VNN1: variants seen among roughly 807,000 people sequenced by gnomAD.
VNN1 encodes pantetheinase.
VNN1 carries 29 observed loss-of-function variants against 41.9 expected under a neutral mutation model. The observed-to-expected ratio is 0.69, with a 90% confidence interval of 0.52 to 0.94. VNN1 has a LOEUF of 0.94. Ranked by LOEUF, VNN1 falls within the 40% of genes least tolerant of loss-of-function variation. The probability of loss-of-function intolerance (pLI) is 0.00; values close to 1 mark genes in which losing one functional copy is unlikely to be tolerated. For missense variants in VNN1, 637 were observed against 621.1 expected (o/e 1.03, Z -0.27); for synonymous variants, 233 against 224.4 (o/e 1.04, Z -0.34).
chr6:132,684,227 C>G, intron 6 of VNN1, 108 bp downstream of exon 6: 2 of 1,207,890 alleles, frequency 1.7e-6, no homozygotes, highest in Non-Finnish European at 2.3e-6. Flanking sequence ...TAATCTTAAC[C>G]TTTCTAAATG....
rs546769570 is a variant in VNN1, at chr6:132,683,272, G to A, written c.1410C>T (p.Val470=). The change falls in exon 7 of 7, where the codon GTC becomes GTT. Residue 470 remains valine, a synonymous_variant. Coordinates refer to ENST00000367928, the MANE Select transcript of VNN1 (RefSeq NM_004666.3). The part of the protein sequence containing the change: ...LFSLKPTSGP[V]LTVTLFGRLY... The stretch of plus-strand genomic sequence containing the variant: ...ACCTCCCAAACAGAGTTACTGTTAA[G>A]ACAGGTCCGGATGTTGGCTTCAGAC... The A allele has an allele frequency of 1.9e-6, 3 of 1,614,048 alleles. No homozygotes were observed. The South Asian group carries it at 3.3e-5, about 18-fold the overall frequency.
At chr6:132,704,786 A>G (rs927027985) in intron 2 of VNN1, among the ~76,000 whole-genome samples, 1 of 151,926 alleles carries the variant, frequency 6.6e-6, no homozygotes, top group Admixed American at 6.6e-5. Context: ...GATAAAATTG[A>G]CTTTTAGTGA....
At chr6:132,694,582 T>C (rs540850796) in intron 2 of VNN1, among the ~76,000 whole-genome samples, 1 of 152,034 alleles carries the variant, frequency 6.6e-6, no homozygotes, top group African/African-American at 2.4e-5. Flanking sequence ...GGGGTGGGTG[T>C]GGTTGCTCAT....
intron 2 of VNN1, chr6:132,699,092 G>C: frequency 3.5e-6 from 1 of 285,774 alleles, no homozygotes; most frequent in Non-Finnish European, 7.3e-6. Context: ...CTATTCGGCT[G>C]TAAAATCAAT....
chr6:132,707,226 C>A (rs371130690), intron 2 of VNN1, among the ~76,000 whole-genome samples: 291 of 137,440 alleles, frequency 2.1e-3, no homozygotes, highest in African/African-American at 2.4e-3. Flanking sequence ...GGCTCTGTCT[C>A]AAAAAAAAAA....
At chr6:132,693,969 T>C in intron 3 of VNN1, 21 bp downstream of exon 3, 3 of 1,613,456 alleles carry the variant, frequency 1.9e-6, no homozygotes, top group Non-Finnish European at 2.5e-6. Flanking sequence ...ACTAATTGGA[T>C]TATTTGCAAA....
chr6:132,704,278 G>A (rs2058631756), intron 2 of VNN1, among the ~76,000 whole-genome samples: 1 of 151,894 alleles, frequency 6.6e-6, no homozygotes, highest in African/African-American at 2.4e-5. Context: ...CCCAGCACAT[G>A]GATCATTCTC....
intron 5 of VNN1, among the ~76,000 whole-genome samples, chr6:132,686,894 G>GA (rs1469890113): frequency 1.6e-4 from 24 of 151,888 alleles, no homozygotes; most frequent in Admixed American, 1.6e-3. Context: ...CCGAAGACAA[G>GA]AAAAAAGAGT....
chr6:132,693,923 T>C (rs895282039), intron 3 of VNN1, 67 bp downstream of exon 3: 2 of 1,556,126 alleles, frequency 1.3e-6, no homozygotes, highest in Admixed American at 3.4e-5. Context: ...CAATAACATA[T>C]TTTTCTCCTT....
intron 2 of VNN1, among the ~76,000 whole-genome samples, chr6:132,694,854 A>T (rs1431233253): frequency 6.6e-6 from 1 of 151,730 alleles, no homozygotes; most frequent in Non-Finnish European, 1.5e-5. Context: ...CCCTGTCTCA[A>T]AAAACAAATT....
chr6:132,703,784 AT>A (rs1778480892), intron 2 of VNN1, among the ~76,000 whole-genome samples: 2 of 152,162 alleles, frequency 1.3e-5, no homozygotes, highest in Admixed American at 1.3e-4. Context: ...AAGAAAAAAA[AT>A]CAATGGCAAT....
Position 132,692,444 on chromosome 6 carries a change from T to C in VNN1, c.967A>G (p.Ile323Val). The change falls in exon 5 of 7, where the codon ATA becomes GTA. Residue 323 changes from isoleucine (I) to valine (V), a missense_variant. Transcript: ENST00000367928. ...VVNWTSYASS[I>V]EALSSGNKEF... is the part of the protein sequence containing the mutation. Reference sequence around the variant, plus strand: ...TTGTTTCCTGATGAGAGCGCTTCTATACTGCTGGCATAGGAAGTCCAGTTC... The same window carrying C: ...TTGTTTCCTGATGAGAGCGCTTCTACACTGCTGGCATAGGAAGTCCAGTTC... The C allele has an allele frequency of 6.2e-7, 1 of 1,614,142 alleles. No homozygotes were observed. The highest frequency in any genetic ancestry group is 1.3e-5 in the African/African-American group (1 of 75,056).
chr6:132,683,469 C>A (rs1190912918), intron 6 of VNN1, 147 bp from the exon 7 acceptor site: 4 of 840,220 alleles, frequency 4.8e-6, no homozygotes, highest in Admixed American at 2.9e-5. Flanking sequence ...TTGCCAAGTA[C>A]AAGAAAAATT....
rs1029822100 is a variant in VNN1, at chr6:132,681,492, G to A, written c.*1648C>T. 6.6e-6 allele frequency: 1 copy of A among 152,128 alleles called. No homozygotes were observed. Among genetic ancestry groups the A allele is most frequent in the Non-Finnish European group, 1.5e-5 (1 of 68,028 alleles). The allele number at this position is 152,128 out of a possible 1,614,324, so 9.4% of individuals were successfully genotyped here. On this transcript the variant is annotated 3_prime_UTR_variant, in exon 7 of 7. Coordinates refer to ENST00000367928, the MANE Select transcript of VNN1 (RefSeq NM_004666.3). ...TCAGAAATGCTATAAGATAATAAATGTTTGTTGTTTTAAGATAATAGTTTG... is the reference window on the plus strand; with the variant it reads ...TCAGAAATGCTATAAGATAATAAATATTTGTTGTTTTAAGATAATAGTTTG...
chr6:132,697,609 A>G (rs935906683), intron 2 of VNN1, among the ~76,000 whole-genome samples: 2 of 151,770 alleles, frequency 1.3e-5, no homozygotes, highest in African/African-American at 2.4e-5. Flanking sequence ...AATAGCTGAG[A>G]AGGCTGAGAT....
intron 5 of VNN1, among the ~76,000 whole-genome samples, chr6:132,686,312 G>T (rs1044964212): frequency 6.6e-6 from 1 of 152,114 alleles, no homozygotes; most frequent in Non-Finnish European, 1.5e-5. Context: ...GCTGGGAGTG[G>T]TGGCATGAAC....
At position 132,693,203 on chromosome 6, in the gene VNN1, A is replaced by C; in HGVS notation, c.647T>G (p.Phe216Cys). The part of the protein sequence containing the change: ...FGIFTCFDIL[F>C]HDPAVTLVKD... ...CACCAAGGTAACAGCAGGATCATGG[A>C]AGAGTATATCAAAGCATGTGAAAAT... is the stretch of plus-strand genomic sequence containing the variant. The change falls in exon 4 of 7, where the codon TTC (phenylalanine) becomes TGC (cysteine). Residue 216 changes from phenylalanine to cysteine, a missense_variant. Transcript: ENST00000367928. 1 of 1,614,164 alleles carries C rather than the reference A, an allele frequency of 6.2e-7. No individual in the cohort carries two copies.
chr6:132,701,770 T>C (rs1450219964), intron 2 of VNN1, among the ~76,000 whole-genome samples: 1 of 152,134 alleles, frequency 6.6e-6, no homozygotes, highest in Non-Finnish European at 1.5e-5. Flanking sequence ...AGAAAGAAAG[T>C]CTTTAATTGC....
At position 132,699,359 on chromosome 6, in the gene VNN1, C is replaced by T. The variant is rs45474593; in HGVS notation, c.342-5177G>A. On this transcript the variant is annotated intron_variant, in intron 2 of 6. Transcript: ENST00000367928. ...GCATGTCAAGATCAAATGCTCTAAA[C>T]TTTGGAGTCTAAATCAAAGCCTTCT... is the stretch of plus-strand genomic sequence containing the variant. The T allele has an allele frequency of 1.9e-3, 346 of 182,884 alleles. 8 individuals carry two copies. In the Admixed American group the frequency reaches 0.02, roughly 10 times the overall value. The allele number at this position is 182,884 out of a possible 1,614,324, so 11.3% of individuals were successfully genotyped here.
Sources: allele counts gnomAD v4.1 joint callset (sites outside exome capture counted in the v4.1 genomes callset), GRCh38; gene constraint gnomAD v4.1.1; transcripts MANE v1.5; gene names NCBI Gene and HGNC (gene_info 2026-07-23, HGNC 2026-07-21).